Variants in SGCZ observed in about 807,000 individuals in gnomAD.
SGCZ encodes the protein zeta-sarcoglycan.
A neutral mutation model predicts 41.3 loss-of-function variants in SGCZ; 40 were observed. The ratio of observed to expected loss-of-function variants is 0.97; its 90% CI spans 0.75 to 1.26. The LOEUF is 1.26. SGCZ is among the 50% of genes most tolerant of loss of function. SGCZ has a pLI of 0.00. For synonymous variants in SGCZ, 206 were observed against 137.5 expected (o/e 1.50, Z -3.49); for missense variants, 552 against 369.8 (o/e 1.49, Z -4.04).
At chr8:14,822,580 G>C (rs1455280569) in intron 1 of SGCZ, among the ~76,000 whole-genome samples, 1 of 152,040 alleles carries the variant, frequency 6.6e-6, no homozygotes, top group Non-Finnish European at 1.5e-5. Flanking sequence ...TTCAAAATAT[G>C]CTACAAAGCT....
At chr8:14,209,980 C>G (rs147186442) in intron 4 of SGCZ, among the ~76,000 whole-genome samples, 1 of 135,418 alleles carries the variant, frequency 7.4e-6, no homozygotes, top group African/African-American at 3.0e-5. Context: ...AGTGCTGTGT[C>G]TTCAAACTAA....
At chr8:14,428,956 G>C (rs1799867023) in intron 2 of SGCZ, among the ~76,000 whole-genome samples, 2 of 152,072 alleles carry the variant, frequency 1.3e-5, no homozygotes, top group Admixed American at 6.6e-5. Context: ...CCTTATTTTA[G>C]TGCATTTTGG....
chr8:14,658,891 A>G (rs1807660057), intron 1 of SGCZ, among the ~76,000 whole-genome samples: 1 of 152,066 alleles, frequency 6.6e-6, no homozygotes, highest in Non-Finnish European at 1.5e-5. Flanking sequence ...GAAGAAAGAA[A>G]GAAAAAAATG....
At chr8:14,746,635 T>C (rs546530696) in intron 1 of SGCZ, among the ~76,000 whole-genome samples, 1 of 152,222 alleles carries the variant, frequency 6.6e-6, no homozygotes, top group Non-Finnish European at 1.5e-5. Context: ...TATTACACAC[T>C]AAAGAGAAAA....
At chr8:14,757,958 G>C (rs1173958832) in intron 1 of SGCZ, among the ~76,000 whole-genome samples, 1 of 151,928 alleles carries the variant, frequency 6.6e-6, no homozygotes, top group Non-Finnish European at 1.5e-5. Context: ...AACTCTATGA[G>C]ATATGTATAA....
chr8:14,608,391 A>G (rs1006692633), intron 1 of SGCZ, among the ~76,000 whole-genome samples: 28 of 151,928 alleles, frequency 1.8e-4, no homozygotes, highest in Non-Finnish European at 1.0e-4. Flanking sequence ...TGGTACCAGC[A>G]TATGCTCAGC....
intron 4 of SGCZ, among the ~76,000 whole-genome samples, chr8:14,205,632 T>A (rs942254989): frequency 3.3e-5 from 5 of 152,154 alleles, no homozygotes; most frequent in African/African-American, 1.2e-4. Flanking sequence ...TATAATCCAA[T>A]ATGCAAACCT....
At position 14,233,854 on chromosome 8, in the gene SGCZ, A is replaced by G. The variant is rs187793696; in HGVS notation, c.424+3738T>C. On this transcript the variant is annotated intron_variant, in intron 4 of 7. Transcript: ENST00000382080. ...AATTTTGACCTGGAGAATGGTTCTG[A>G]GACTCGTTTAAGAAAGTTCTTGCTT... Among the ~76,000 whole-genome samples the G allele has an allele frequency of 1.4e-3, 215 of 151,996 alleles. 2 individuals are homozygous for G. The highest frequency in any genetic ancestry group is 3.4e-3 in the Middle Eastern group (1 of 294).
intron 1 of SGCZ, among the ~76,000 whole-genome samples, chr8:14,970,498 T>A (rs995296586): frequency 6.6e-6 from 1 of 152,168 alleles, no homozygotes; most frequent in Non-Finnish European, 1.5e-5. Flanking sequence ...TATTTTTATA[T>A]AGTATGAAGT....
At chr8:14,335,754 G>A (rs1004630185) in intron 2 of SGCZ, among the ~76,000 whole-genome samples, 31 of 152,092 alleles carry the variant, frequency 2.0e-4, no homozygotes, top group East Asian at 5.8e-4. Flanking sequence ...GAGTTACAGC[G>A]CCATACACAT....
intron 1 of SGCZ, among the ~76,000 whole-genome samples, chr8:14,570,880 T>C (rs1004004375): frequency 6.6e-6 from 1 of 152,220 alleles, no homozygotes; most frequent in Non-Finnish European, 1.5e-5. Context: ...ATATCTGAAA[T>C]GACTAGAAGC....
chr8:14,173,126 G>C (rs1804438113), intron 4 of SGCZ, among the ~76,000 whole-genome samples: 1 of 151,880 alleles, frequency 6.6e-6, no homozygotes, highest in Admixed American at 6.6e-5. Flanking sequence ...TACTTGAACA[G>C]GAGCAAGCTG....
intron 2 of SGCZ, among the ~76,000 whole-genome samples, chr8:14,380,717 T>A (rs185017681): frequency 3.3e-4 from 50 of 152,230 alleles, no homozygotes; most frequent in African/African-American, 1.2e-3. Context: ...CTGGGCATGG[T>A]GGTGCGTATC....
At chr8:14,752,692 G>A (rs1190960194) in intron 1 of SGCZ, among the ~76,000 whole-genome samples, 1 of 152,100 alleles carries the variant, frequency 6.6e-6, no homozygotes, top group Non-Finnish European at 1.5e-5. Context: ...GTGCAAGAAG[G>A]CAGAATGAAT....
chr8:14,348,762 G>A (rs1321355514), intron 2 of SGCZ, among the ~76,000 whole-genome samples: 2 of 152,066 alleles, frequency 1.3e-5, no homozygotes, highest in East Asian at 1.9e-4. Context: ...AGACTTTATG[G>A]CTAAGAATAT....
At chr8:14,991,861 T>C (rs1802024790) in intron 1 of SGCZ, among the ~76,000 whole-genome samples, 1 of 149,920 alleles carries the variant, frequency 6.7e-6, no homozygotes, top group African/African-American at 2.5e-5. Flanking sequence ...CCCCCAAAAC[T>C]AGTGTTATCC....
chr8:15,112,167 T>C (rs1368871220), intron 1 of SGCZ, among the ~76,000 whole-genome samples: 2 of 152,204 alleles, frequency 1.3e-5, no homozygotes, highest in Admixed American at 1.3e-4. Flanking sequence ...AGGCCTTGAC[T>C]CTTTCACCGC....
chr8:14,644,297 C>A (rs2202985), intron 1 of SGCZ, among the ~76,000 whole-genome samples: 37,776 of 151,486 alleles, frequency 0.25, 4,913 homozygotes, highest in Non-Finnish European at 0.29. Flanking sequence ...AGTTGAAGGC[C>A]TTAGGGGCAG....
intron 1 of SGCZ, among the ~76,000 whole-genome samples, chr8:14,841,727 T>C (rs915428955): frequency 3.3e-5 from 5 of 152,320 alleles, no homozygotes; most frequent in African/African-American, 1.2e-4. Flanking sequence ...GTAATCAATA[T>C]GTTTTCTTTA....
Sources: gnomAD v4.1 joint callset for allele counts (sites outside exome capture counted in the v4.1 genomes callset) on GRCh38, gnomAD v4.1.1 for gene constraint, MANE v1.5 for transcripts, NCBI Gene and HGNC (gene_info 2026-07-23, HGNC 2026-07-21) for gene names.